The following ESRRG variants were observed in gnomAD, a reference collection of about 807,000 sequenced individuals.
The protein encoded by ESRRG is estrogen related receptor gamma.
In ESRRG, 13 loss-of-function variants were observed where a neutral mutation model predicts 44.0. The ratio of observed to expected loss-of-function variants is 0.30; its 90% CI spans 0.19 to 0.47. The LOEUF (loss-of-function observed/expected upper bound fraction) is 0.47, where lower values mean the gene tolerates loss of function less well. ESRRG is among the 20% of genes least tolerant of loss of function. The pLI is 1.00. For synonymous variants in ESRRG, 215 were observed against 214.6 expected (o/e 1.00, Z -0.02); for missense variants, 395 against 580.6 (o/e 0.68, Z 3.29).
chr1:217,045,592 T>C (rs1233591426), intron 1 of ESRRG, among the ~76,000 whole-genome samples: 2 of 152,216 alleles, frequency 1.3e-5, no homozygotes, highest in Non-Finnish European at 2.9e-5. Context: ...AGGCACGAGG[T>C]TGCCCCAGTT....
At chr1:216,510,438 A>T (rs2042368873) in intron 6 of ESRRG, among the ~76,000 whole-genome samples, 2 of 152,246 alleles carry the variant, frequency 1.3e-5, no homozygotes, top group Non-Finnish European at 2.9e-5. Context: ...TCCTAAAAAA[A>T]TGTGTCTAGT....
rs1186983364 is a variant in ESRRG at position 216,677,290 on chromosome 1, A to G, written c.258T>C (p.Pro86=). The G allele has an allele frequency of 1.2e-6, 2 of 1,614,138 alleles. No individual in the cohort carries two copies. The highest frequency in any genetic ancestry group is 1.7e-6 in the Non-Finnish European group (2 of 1,180,012). Residue 86 remains proline (P), a synonymous_variant, in exon 2 of 7, where the codon CCT becomes CCC. Transcript: ENST00000408911. ...QNGLDSPPLY[P]SAPILGGSGP... is the part of the protein sequence containing the mutation. ...CACTACCTCCCAGGATAGGAGCAGA[A>G]GGGTAGAGAGGTGGCGAGTCAAGTC...
intron 1 of ESRRG, among the ~76,000 whole-genome samples, chr1:217,051,091 T>C (rs1047110017): frequency 1.3e-5 from 2 of 151,888 alleles, no homozygotes; most frequent in Non-Finnish European, 2.9e-5. Context: ...ACTTTTTTCC[T>C]TCTTATTTCA....
In ESRRG at chr1:216,919,979, C is replaced by T. The variant is rs538994155; in HGVS notation, c.-14+19603G>A. 6.6e-5 allele frequency among the ~76,000 whole-genome samples: 10 copies of T among 152,250 alleles called. No homozygotes were observed. The South Asian group carries it at 1.2e-3, about 19-fold the overall frequency. On this transcript the variant is annotated intron_variant, in intron 2 of 7. Coordinates refer to the ESRRG transcript ENST00000359162. ...CAGGGAAATGGTGGCAGATGCCAGG[C>T]GAAGCCTACAAAAGGGTAGCACTAC...
chr1:217,026,912 C>CACACACACAGAGAGAGAGAGAGAGAG (rs1255637839), intron 1 of ESRRG, among the ~76,000 whole-genome samples: 24 of 93,462 alleles, frequency 2.6e-4, no homozygotes, highest in Non-Finnish European at 3.2e-4. Flanking sequence ...CACACACACA[C>CACACACACAGAGAGAGAGAGAGAGAG]AGAGAGAGAG....
At chr1:216,731,603 A>G (rs2088787827) in intron 2 of ESRRG, among the ~76,000 whole-genome samples, 1 of 152,226 alleles carries the variant, frequency 6.6e-6, no homozygotes, top group Non-Finnish European at 1.5e-5. Context: ...CAATTATTAC[A>G]CATTCATATG....
At chr1:216,977,000 T>C (rs2073060996) in intron 1 of ESRRG, among the ~76,000 whole-genome samples, 1 of 152,108 alleles carries the variant, frequency 6.6e-6, no homozygotes, top group Admixed American at 6.6e-5. Context: ...CTTTCTTATG[T>C]AGTGCTCACT....
At position 216,808,918 on chromosome 1, in the gene ESRRG, CT is replaced by C. The variant is rs111980187; in HGVS notation, c.-14+130663del. Among the ~76,000 whole-genome samples the C allele has an allele frequency of 3.3e-5, 5 of 150,868 alleles. No individual in the cohort carries two copies. In the East Asian group the frequency reaches 5.8e-4, roughly 18 times the overall value. On this transcript the variant is annotated intron_variant, in intron 2 of 7. Coordinates refer to the ESRRG transcript ENST00000359162. ...CAAAGAATTTTCCTCCTATTTTTTT[CT>C]TTTTTTTTCTCAAATGGGAAAGAAA...
At position 216,912,183 on chromosome 1, in the gene ESRRG, A is replaced by AG. The variant is rs1560083303; in HGVS notation, c.-14+27398_-14+27399insC. ...AAGAAAAGAAAAGAAAAGAAAAGAA[A>AG]AGGAGAGGAGAGGAGAGGAGAGGAG... On this transcript the variant is annotated intron_variant, in intron 2 of 7. Transcript: ENST00000359162. Among the ~76,000 whole-genome samples the AG allele has an allele frequency of 2.0e-3, 42 of 21,154 alleles. 4 individuals are homozygous for AG. Among genetic ancestry groups the AG allele is most frequent in the East Asian group, 7.6e-3 (5 of 662 alleles). 13.9% of individuals were successfully genotyped at this position (21,154 alleles called of 152,430 possible). A position where few individuals can be genotyped will look rare whatever the true frequency, so the allele number is the denominator to read the frequency against.
intron 4 of ESRRG, 139 bp from the exon 5 acceptor site, chr1:216,564,519 G>T (rs11117622): frequency 0.21 from 116,482 of 567,548 alleles, 13,616 homozygotes; most frequent in Non-Finnish European, 0.24. Flanking sequence ...GGCTCAATAG[G>T]TATATATTAA....
intron 3 of ESRRG, among the ~76,000 whole-genome samples, chr1:216,644,819 G>T (rs536036538): frequency 6.6e-6 from 1 of 152,192 alleles, no homozygotes; most frequent in South Asian, 2.1e-4. Context: ...GATTTGTTTT[G>T]CTTGTTTTAA....
chr1:216,541,343 A>C (rs1173317456), intron 5 of ESRRG, among the ~76,000 whole-genome samples: 1 of 152,056 alleles, frequency 6.6e-6, no homozygotes, highest in Non-Finnish European at 1.5e-5. Flanking sequence ...AAATGTATGA[A>C]TGCTTCTATC....
chr1:216,674,014 T>C (rs1169378161), intron 2 of ESRRG, among the ~76,000 whole-genome samples: 1 of 152,260 alleles, frequency 6.6e-6, no homozygotes, highest in Non-Finnish European at 1.5e-5. Context: ...CACTCAGTGC[T>C]CATGAATTTA....
At chr1:217,019,068 T>A (rs568696395) in intron 1 of ESRRG, among the ~76,000 whole-genome samples, 1 of 152,298 alleles carries the variant, frequency 6.6e-6, no homozygotes, top group African/African-American at 2.4e-5. Flanking sequence ...TCACTAACTT[T>A]AAAGTTGGAG....
At chr1:216,939,780 C>T (rs925173620) in intron 1 of ESRRG, 11 of 151,490 alleles carry the variant, frequency 7.3e-5, no homozygotes, top group African/African-American at 2.4e-4. Context: ...ATCTCCCAGG[C>T]AATAGAGTTA....
chr1:217,099,016 T>C (rs932459067), intron 1 of ESRRG, among the ~76,000 whole-genome samples: 8 of 152,220 alleles, frequency 5.3e-5, no homozygotes, highest in African/African-American at 1.9e-4. Flanking sequence ...CACCTTCTAA[T>C]ACACTTCATA....
In ESRRG at chr1:216,601,124, G is replaced by T. The variant is rs1047780819; in HGVS notation, c.590-33026C>A. On this transcript the variant is annotated intron_variant, in intron 3 of 6. Transcript: ENST00000408911. ...TTGGGGAGCAAGGCCGGCTTGGAAC[G>T]CGGGCTCCTGCCCACTGCCACCCGC... 6.6e-5 allele frequency among the ~76,000 whole-genome samples: 10 copies of T among 152,114 alleles called. 1 individual carries two copies. Among genetic ancestry groups the T allele is most frequent in the Non-Finnish European group, 1.3e-4 (9 of 67,988 alleles).
intron 2 of ESRRG, among the ~76,000 whole-genome samples, chr1:216,737,962 C>T (rs1010249405): frequency 1.3e-5 from 2 of 150,518 alleles, no homozygotes; most frequent in East Asian, 3.9e-4. Context: ...AAGTGACTTC[C>T]AGACCTTCAC....
chr1:216,682,876 T>C (rs959978298), intron 1 of ESRRG, among the ~76,000 whole-genome samples: 4 of 152,046 alleles, frequency 2.6e-5, no homozygotes, highest in African/African-American at 7.2e-5. Flanking sequence ...AATGAGCTTT[T>C]TTCCCCCCTG....
Sources: gnomAD v4.1 joint callset for allele counts (sites outside exome capture counted in the v4.1 genomes callset) on GRCh38, gnomAD v4.1.1 for gene constraint, MANE v1.5 for transcripts, NCBI Gene and HGNC (gene_info 2026-07-23, HGNC 2026-07-21) for gene names.